Variants in LRRC27 observed in about 807,000 individuals in gnomAD.
The protein encoded by LRRC27 is leucine-rich repeat-containing protein 27.
Under a neutral mutation model 55.0 loss-of-function variants are expected in LRRC27, and 57 were observed. The ratio of observed to expected loss-of-function variants is 1.04; its 90% CI spans 0.84 to 1.29. The LOEUF is 1.29. Among genes scored for constraint, LRRC27 ranks in the 50% most tolerant of loss-of-function variants. The pLI, the probability that LRRC27 is intolerant of heterozygous loss-of-function variation, is 0.00. For missense variants in LRRC27, 721 were observed against 651.5 expected, an observed-to-expected ratio of 1.11 and a Z score of -1.16; for synonymous variants, 278 against 251.9, an observed-to-expected ratio of 1.10 and a Z score of -0.98.
chr10:132,363,405 C>T (rs1489804744), intron 9 of LRRC27, among the ~76,000 whole-genome samples: 1 of 152,214 alleles, frequency 6.6e-6, no homozygotes, highest in East Asian at 1.9e-4. Context: ...GCCTCCACCT[C>T]CTCTGAGCCG....
At chr10:132,350,123 G>A (rs1259823003) in intron 6 of LRRC27, among the ~76,000 whole-genome samples, 1 of 152,178 alleles carries the variant, frequency 6.6e-6, no homozygotes, top group East Asian at 1.9e-4. Context: ...TGACTCGTGT[G>A]GCCTGGGCCT....
chr10:132,345,467 G>A (rs1199105374), intron 5 of LRRC27, among the ~76,000 whole-genome samples: 1 of 152,246 alleles, frequency 6.6e-6, no homozygotes, highest in Non-Finnish European at 1.5e-5. Flanking sequence ...TTAAGAGTCA[G>A]CTGTTGGCCC....
intron 10 of LRRC27, among the ~76,000 whole-genome samples, chr10:132,366,060 G>C (rs1308472503): frequency 1.3e-5 from 2 of 152,266 alleles, no homozygotes; most frequent in Non-Finnish European, 2.9e-5. Flanking sequence ...CCTCAAATGT[G>C]CCAGGCCACA....
intron 5 of LRRC27, among the ~76,000 whole-genome samples, chr10:132,346,394 C>T (rs1039347861): frequency 5.3e-5 from 8 of 151,958 alleles, no homozygotes; most frequent in Admixed American, 5.2e-4. Flanking sequence ...AAAGTCTTTG[C>T]TGGCGGGCGT....
intron 8 of LRRC27, among the ~76,000 whole-genome samples, chr10:132,358,299 GTGGAGCGTGGGGAGGAGCCGAGGTGA>G (rs1397073818): frequency 5.9e-5 from 9 of 151,792 alleles, no homozygotes; most frequent in South Asian, 2.1e-4. Context: ...AGCCGAGGTG[GTGGAGCGTGGGGAGGAGCCGAGGTGA>G]TGGAGCAGCG....
chr10:132,333,767 A>G (rs759925568), intron 2 of LRRC27, 33 bp downstream of exon 2: 69 of 1,554,718 alleles, frequency 4.4e-5, no homozygotes, highest in Non-Finnish European at 5.7e-5. Flanking sequence ...CTGTGTGCCC[A>G]CAGGTCCCCT....
At chr10:132,342,294 A>T in intron 4 of LRRC27, 23 bp downstream of exon 4, 2 of 1,424,288 alleles carry the variant, frequency 1.4e-6, no homozygotes, top group Admixed American at 2.4e-5. Flanking sequence ...TAATAAAAAG[A>T]TGATTTTAAA....
intron 8 of LRRC27, 96 bp downstream of exon 8, chr10:132,355,982 C>T (rs571481903): frequency 2.6e-5 from 22 of 849,060 alleles, no homozygotes; most frequent in East Asian, 2.4e-4. Context: ...GAGCCGAGAC[C>T]TGGGGGTGTG....
At chr10:132,361,631 G>A in intron 9 of LRRC27, 56 bp downstream of exon 9, 1 of 1,263,832 alleles carries the variant, frequency 7.9e-7, no homozygotes, top group Non-Finnish European at 1.2e-6. Flanking sequence ...CCACCCACGG[G>A]CAGGTGCTGT....
chr10:132,336,666 A>G lies in LRRC27; in HGVS notation c.211-899A>G, dbSNP rs1485873108. On this transcript the variant is annotated intron_variant, in intron 2 of 10. Coordinates refer to ENST00000368614, the MANE Select transcript of LRRC27 (RefSeq NM_030626.3). ...ATTGCCCCGTCTCACAGATGAGGAC[A>G]CTGGAGCACAGAGAGGTTCAGGAAC... The G allele has an allele frequency of 8.9e-6, 6 of 674,218 alleles. No homozygotes were observed. In the East Asian group the frequency reaches 1.6e-4, roughly 19 times the overall value. 41.8% of individuals were successfully genotyped at this position (674,218 alleles called of 1,614,324 possible).
chr10:132,348,304 A>G lies in LRRC27; in HGVS notation c.874A>G (p.Lys292Glu). Residue 292 changes from lysine to glutamate, a missense_variant, in exon 6 of 11, where the codon AAG becomes GAG. Transcript: ENST00000368614. The surrounding 1 kb of genome is among the most constrained non-coding windows in gnomAD (Gnocchi z 4.2). ...LLTRELPPNLKAALNIEKELP... is the reference protein window; with the variant it reads ...LLTRELPPNLEAALNIEKELP... Reference sequence around the variant, plus strand: ...GACGAGGGAATTACCTCCAAATCTCAAGGCGGCCTTGAACATTGAGAAAGA... The same window carrying G: ...GACGAGGGAATTACCTCCAAATCTCGAGGCGGCCTTGAACATTGAGAAAGA... 1.2e-6 allele frequency: 2 copies of G among 1,610,578 alleles called. No homozygotes were observed. The highest frequency in any genetic ancestry group is 1.7e-6 in the Non-Finnish European group (2 of 1,177,032).
chr10:132,360,087 GA>G (rs940892805), intron 8 of LRRC27, among the ~76,000 whole-genome samples: 6 of 152,002 alleles, frequency 3.9e-5, no homozygotes, highest in East Asian at 1.9e-4. Flanking sequence ...GATTTTAAAA[GA>G]AAAAAACACC....
At chr10:132,373,538 C>A (rs1051499032) in intron 10 of LRRC27, among the ~76,000 whole-genome samples, 2 of 152,154 alleles carry the variant, frequency 1.3e-5, no homozygotes, top group African/African-American at 4.8e-5. Flanking sequence ...TCAGCAGGCG[C>A]CGGGATTCGG....
Position 132,348,766 on chromosome 10 carries a change from C to T in LRRC27, c.926+410C>T, listed in dbSNP as rs1440416763. Among the ~76,000 whole-genome samples, 2 of 152,132 alleles carry T rather than the reference C, an allele frequency of 1.3e-5. No individual in the cohort carries two copies. The highest frequency in any genetic ancestry group is 4.8e-5 in the African/African-American group (2 of 41,428). On this transcript the variant is annotated intron_variant, in intron 6 of 10. Transcript: ENST00000368614. This position sits in a 1 kb window ranked among gnomAD's most constrained non-coding sequence, Gnocchi z 4.2. Reference sequence around the variant, plus strand: ...AAGTGGGCACATTCTTGTGAGGCTTCGATCAGTGCTCACTGAATCCACATT... The same window carrying T: ...AAGTGGGCACATTCTTGTGAGGCTTTGATCAGTGCTCACTGAATCCACATT...
At chr10:132,355,718 A>G in intron 7 of LRRC27, 72 bp from the exon 8 acceptor site, 1 of 1,167,980 alleles carries the variant, frequency 8.6e-7, no homozygotes, top group Admixed American at 2.0e-5. Flanking sequence ...AGGCTGTAGA[A>G]TGACAGAGGA....
chr10:132,371,810 C>CCCT (rs1283929784), intron 10 of LRRC27, among the ~76,000 whole-genome samples: 1 of 152,218 alleles, frequency 6.6e-6, no homozygotes, highest in African/African-American at 2.4e-5. Context: ...GCCACCTCAG[C>CCCT]CCTCAGGTGG....
At chr10:132,364,341 C>G (rs2068807844) in intron 9 of LRRC27, among the ~76,000 whole-genome samples, 2 of 68,814 alleles carry the variant, frequency 2.9e-5, no homozygotes, top group South Asian at 5.5e-4. Flanking sequence ...ACCACACCCA[C>G]ACTTAATCTA....
At chr10:132,364,517 T>TCACACCCA (rs1564853878) in intron 9 of LRRC27, among the ~76,000 whole-genome samples, 1 of 8,180 alleles carries the variant, frequency 1.2e-4, no homozygotes. Flanking sequence ...ACCTCCACAC[T>TCACACCCA]CGCACTTACA....
chr10:132,337,232 G>T, intron 2 of LRRC27: 1 of 1,179,928 alleles, frequency 8.5e-7, no homozygotes, highest in African/African-American at 1.6e-5. Flanking sequence ...TGGAGAAACG[G>T]CCGAGACACT....
Sources: allele counts gnomAD v4.1 joint callset (sites outside exome capture counted in the v4.1 genomes callset), GRCh38; gene constraint gnomAD v4.1.1; non-coding constraint Gnocchi (gnomAD v3.1); transcripts MANE v1.5; gene names NCBI Gene and HGNC (gene_info 2026-07-23, HGNC 2026-07-21).